The following DHRSX variants were observed in gnomAD, a reference collection of about 807,000 sequenced individuals.
The protein encoded by DHRSX is polyprenol dehydrogenase.
A neutral mutation model predicts 34.0 loss-of-function variants in DHRSX; 31 were observed. The observed-to-expected ratio is 0.91, with a 90% CI of 0.69 to 1.23. DHRSX has a LOEUF of 1.23. DHRSX is among the 50% of genes most tolerant of loss of function. The pLI, the probability that DHRSX is intolerant of heterozygous loss-of-function variation, is 0.00. For synonymous variants in DHRSX, 201 were observed against 183.8 expected (o/e 1.09, Z -0.76); for missense variants, 414 against 428.1 (o/e 0.97, Z 0.29).
intron 1 of DHRSX, among the ~76,000 whole-genome samples, chrX:2,467,725 A>G (rs1433261545): frequency 1.3e-5 from 2 of 152,166 alleles, no homozygotes; most frequent in Non-Finnish European, 2.9e-5. Context: ...CTGTAATCCC[A>G]GCACTTTGGG....
At position 2,287,986 on chromosome X, in the gene DHRSX, C is replaced by T. The variant is rs771487456; in HGVS notation, c.388+3516G>A. Among the ~76,000 whole-genome samples the T allele has an allele frequency of 8.9e-4, 136 of 152,210 alleles. 1 individual carries two copies. Among genetic ancestry groups the T allele is most frequent in the African/African-American group, 1.0e-3 (43 of 41,538 alleles). On this transcript the variant is annotated intron_variant, in intron 4 of 6. Transcript: ENST00000334651. ...GGAACACATGAAAATGTGACTTTCA[C>T]GGCAAAAGGGCCTTTGTAGATGTGA...
chrX:2,488,516 G>A (rs1269518384), intron 1 of DHRSX: 5 of 1,277,272 alleles, frequency 3.9e-6, no homozygotes, highest in South Asian at 1.6e-5. Context: ...CCACCTTCTA[G>A]GTGTCAAAGA....
intron 2 of DHRSX, among the ~76,000 whole-genome samples, chrX:2,412,199 G>C (rs113348786): frequency 1.3e-5 from 2 of 152,196 alleles, no homozygotes; most frequent in Non-Finnish European, 2.9e-5. Flanking sequence ...TTGTATTTGG[G>C]GGGGCAGGGG....
At chrX:2,293,787 T>G (rs773012571) in intron 3 of DHRSX, among the ~76,000 whole-genome samples, 1 of 152,064 alleles carries the variant, frequency 6.6e-6, no homozygotes, top group African/African-American at 2.4e-5. Context: ...GAAGGCCACA[T>G]AGCTTTCAGA....
intron 1 of DHRSX, among the ~76,000 whole-genome samples, chrX:2,485,939 G>T (rs62584586): frequency 0.049 from 7,336 of 150,348 alleles, 358 homozygotes; most frequent in Non-Finnish European, 0.079. Context: ...AAGAAAGGAA[G>T]GATTTGTTGG....
chrX:2,239,138 C>T (rs1043221768), intron 6 of DHRSX, among the ~76,000 whole-genome samples: 9 of 152,116 alleles, frequency 5.9e-5, no homozygotes, highest in East Asian at 3.9e-4. Flanking sequence ...AGCAATGCCC[C>T]GTGGTTATTT....
chrX:2,429,940 G>A (rs1419651387), intron 1 of DHRSX, among the ~76,000 whole-genome samples: 2 of 152,130 alleles, frequency 1.3e-5, no homozygotes, highest in African/African-American at 4.8e-5. Context: ...AAACTCAGAA[G>A]CAAATATCAA....
At chrX:2,379,177 G>A (rs2043175978) in intron 3 of DHRSX, among the ~76,000 whole-genome samples, 1 of 152,050 alleles carries the variant, frequency 6.6e-6, no homozygotes, top group African/African-American at 2.4e-5. Flanking sequence ...TAACCCTCAC[G>A]TGGCTTCAGA....
chrX:2,240,309 G>T (rs1381354130), intron 6 of DHRSX, among the ~76,000 whole-genome samples: 1 of 146,744 alleles, frequency 6.8e-6, no homozygotes, highest in South Asian at 2.2e-4. Flanking sequence ...AAAAGAAAAA[G>T]AAAAAGAAAA....
At chrX:2,345,922 A>T (rs1324068077) in intron 3 of DHRSX, among the ~76,000 whole-genome samples, 2 of 152,184 alleles carry the variant, frequency 1.3e-5, no homozygotes, top group African/African-American at 4.8e-5. Context: ...ATTCCTTAAA[A>T]TAAATGTGCT....
At chrX:2,353,338 G>C (rs970712817) in intron 3 of DHRSX, among the ~76,000 whole-genome samples, 6 of 152,082 alleles carry the variant, frequency 3.9e-5, no homozygotes, top group Non-Finnish European at 7.4e-5. Flanking sequence ...AAGGGGAGTG[G>C]GGAACTCAGG....
chrX:2,428,506 G>A (rs751004422), intron 1 of DHRSX, among the ~76,000 whole-genome samples: 316 of 152,150 alleles, frequency 2.1e-3, no homozygotes, highest in Middle Eastern at 0.014. Flanking sequence ...CCTTCTCAGC[G>A]AACTAACACA....
chrX:2,282,516 G>A (rs1452412893), intron 4 of DHRSX, among the ~76,000 whole-genome samples: 3 of 148,396 alleles, frequency 2.0e-5, no homozygotes, highest in Non-Finnish European at 4.5e-5. Context: ...GAGACAAGGG[G>A]AGAGACAGGA....
At chrX:2,387,302 G>A (rs768051070) in intron 3 of DHRSX, among the ~76,000 whole-genome samples, 3 of 152,222 alleles carry the variant, frequency 2.0e-5, no homozygotes, top group South Asian at 4.1e-4. Context: ...GGTAAGGAAC[G>A]GACCCTGTAT....
intron 2 of DHRSX, among the ~76,000 whole-genome samples, chrX:2,409,391 A>G (rs1229787572): frequency 6.6e-6 from 1 of 152,108 alleles, no homozygotes; most frequent in African/African-American, 2.4e-5. Flanking sequence ...CATCATCTAC[A>G]TTAGGTATTT....
chrX:2,241,849 A>G (rs2016148515), intron 6 of DHRSX, among the ~76,000 whole-genome samples: 1 of 152,112 alleles, frequency 6.6e-6, no homozygotes, highest in African/African-American at 2.4e-5. Context: ...CAGAGGTTGC[A>G]CTGGGCAGAG....
intron 3 of DHRSX, among the ~76,000 whole-genome samples, chrX:2,316,698 C>T (rs753035548): frequency 4.6e-5 from 7 of 152,294 alleles, no homozygotes; most frequent in Admixed American, 1.3e-4. Context: ...ATTAAACCCA[C>T]GTATGCCTAG....
chrX:2,247,490 T>TA (rs2016324685), intron 5 of DHRSX, among the ~76,000 whole-genome samples: 2 of 150,990 alleles, frequency 1.3e-5, no homozygotes, highest in East Asian at 2.0e-4. Flanking sequence ...TCGTCTCTAC[T>TA]AAAAAAACAA....
chrX:2,225,480 ACT>A (rs2015636730), intron 6 of DHRSX, among the ~76,000 whole-genome samples: 1 of 152,176 alleles, frequency 6.6e-6, no homozygotes, highest in Non-Finnish European at 1.5e-5. Context: ...GCATGCACAC[ACT>A]CATACACATG....
Sources: gnomAD v4.1 joint callset for allele counts (sites outside exome capture counted in the v4.1 genomes callset) on GRCh38, gnomAD v4.1.1 for gene constraint, MANE v1.5 for transcripts, NCBI Gene and HGNC (gene_info 2026-07-23, HGNC 2026-07-21) for gene names.